CDK14: variants seen among roughly 807,000 people sequenced by gnomAD.
The protein encoded by CDK14 is cyclin-dependent kinase 14.
CDK14 carries 34 observed loss-of-function variants against 60.7 expected under a neutral mutation model. The observed-to-expected ratio is 0.56, with a 90% CI of 0.43 to 0.75. The LOEUF (loss-of-function observed/expected upper bound fraction) is 0.75. Among genes scored for constraint, CDK14 ranks in the 30% least tolerant of loss-of-function variants. The probability of loss-of-function intolerance (pLI) is 0.00; values close to 1 mark genes in which losing one functional copy is unlikely to be tolerated. For synonymous variants in CDK14, 197 were observed against 203.7 expected (o/e 0.97, Z 0.28); for missense variants, 482 against 564.1 (o/e 0.85, Z 1.47).
chr7:90,713,873 C>A (rs146533357), intron 2 of CDK14, among the ~76,000 whole-genome samples: 1 of 151,954 alleles, frequency 6.6e-6, no homozygotes, highest in Non-Finnish European at 1.5e-5. Context: ...CTCAATGTAA[C>A]CATCTGCAAA....
At chr7:91,197,155 T>G (rs1315075047) in intron 14 of CDK14, among the ~76,000 whole-genome samples, 1 of 152,152 alleles carries the variant, frequency 6.6e-6, no homozygotes, top group African/African-American at 2.4e-5. Context: ...ATCCCAGCAC[T>G]TTGGGAGGCC....
At chr7:90,684,784 T>TCCAC (rs1463993308) in intron 2 of CDK14, among the ~76,000 whole-genome samples, 4 of 152,078 alleles carry the variant, frequency 2.6e-5, no homozygotes, top group African/African-American at 4.8e-5. Flanking sequence ...TGTCTGTCCG[T>TCCAC]CCATCCATCC....
chr7:91,079,246 G>A (rs17163563), intron 11 of CDK14, among the ~76,000 whole-genome samples, 186 bp from the exon 12 acceptor site: 9,063 of 152,140 alleles, frequency 0.06, 392 homozygotes, highest in Middle Eastern at 0.16. Context: ...ATGCTTCACC[G>A]TTTAATATGT....
chr7:90,859,634 A>G (rs565639079), intron 5 of CDK14, among the ~76,000 whole-genome samples: 6 of 152,310 alleles, frequency 3.9e-5, no homozygotes, highest in Admixed American at 3.9e-4. Context: ...GTTTCCACAT[A>G]TTTTCCATCC....
At chr7:91,016,533 T>C (rs772931127) in intron 10 of CDK14, among the ~76,000 whole-genome samples, 11 of 152,240 alleles carry the variant, frequency 7.2e-5, no homozygotes, top group Non-Finnish European at 1.6e-4. Flanking sequence ...AAGTGAGTTA[T>C]GCATTTTAAC....
At chr7:91,008,424 C>T (rs1029817114) in intron 10 of CDK14, among the ~76,000 whole-genome samples, 1 of 152,130 alleles carries the variant, frequency 6.6e-6, no homozygotes, top group African/African-American at 2.4e-5. Flanking sequence ...TTCTTAAATT[C>T]AGACTGCATT....
intron 9 of CDK14, among the ~76,000 whole-genome samples, chr7:90,980,342 C>A (rs890188201): frequency 5.3e-5 from 8 of 152,000 alleles, no homozygotes; most frequent in African/African-American, 1.9e-4. Context: ...TATTCAAATT[C>A]TCAAAAGAAG....
rs2117053528 is a variant in CDK14 at position 90,814,034 on chromosome 7, C to T, written c.544+23382C>T. ...TTAATATCTTTATCTATTTCTCTTT[C>T]TTCCAAATTCTCTAAATATGTGTTA... On this transcript the variant is annotated intron_variant, in intron 5 of 14. Transcript: ENST00000380050. Among the ~76,000 whole-genome samples the T allele has an allele frequency of 2.0e-5, 3 of 152,256 alleles. No homozygotes were observed. In the Middle Eastern group the frequency reaches 0.01, roughly 518 times the overall value.
At chr7:91,200,948 A>G (rs1322720489) in intron 14 of CDK14, among the ~76,000 whole-genome samples, 6 of 152,186 alleles carry the variant, frequency 3.9e-5, no homozygotes, top group Non-Finnish European at 8.8e-5. Flanking sequence ...TTTCTCTTTC[A>G]TTCTAGCATT....
intron 6 of CDK14, among the ~76,000 whole-genome samples, chr7:90,879,257 A>C (rs1373971345): frequency 2.0e-5 from 3 of 152,218 alleles, no homozygotes; most frequent in Non-Finnish European, 4.4e-5. Flanking sequence ...GTTTATGTGT[A>C]TACTACACCA....
At chr7:91,078,262 G>A (rs1798381200) in intron 11 of CDK14, among the ~76,000 whole-genome samples, 1 of 152,204 alleles carries the variant, frequency 6.6e-6, no homozygotes, top group African/African-American at 2.4e-5. Context: ...TGGGAGAACA[G>A]TTAAATAAAT....
At chr7:90,770,918 C>CT (rs1346748713) in intron 4 of CDK14, among the ~76,000 whole-genome samples, 1 of 152,212 alleles carries the variant, frequency 6.6e-6, no homozygotes, top group East Asian at 1.9e-4. Flanking sequence ...CCTTGGCCCC[C>CT]ATCCTTGACA....
In CDK14 at chr7:91,090,890, T is replaced by G. The variant is rs1337454857; in HGVS notation, c.1154+11410T>G. Among the ~76,000 whole-genome samples the G allele has an allele frequency of 2.0e-5, 3 of 152,076 alleles. No individual in the cohort carries two copies. In the East Asian group the frequency reaches 5.8e-4, roughly 29 times the overall value. On this transcript the variant is annotated intron_variant, in intron 12 of 14. Coordinates refer to ENST00000380050, the MANE Select transcript of CDK14 (RefSeq NM_001287135.2). ...TAAGCTCTGTCACTCGTCACCTGTTTGTATCTAGTGTTCCTAAATATAGAA... is the reference window on the plus strand; with the variant it reads ...TAAGCTCTGTCACTCGTCACCTGTTGGTATCTAGTGTTCCTAAATATAGAA...
intron 4 of CDK14, among the ~76,000 whole-genome samples, chr7:90,758,203 T>C (rs1584863319): frequency 6.6e-6 from 1 of 152,140 alleles, no homozygotes; most frequent in East Asian, 1.9e-4. Flanking sequence ...AAAGTTTTTG[T>C]TTTTTGATCA....
chr7:91,041,175 CTT>C (rs34055384), intron 10 of CDK14, among the ~76,000 whole-genome samples: 46 of 142,610 alleles, frequency 3.2e-4, no homozygotes, highest in Admixed American at 2.8e-4. Flanking sequence ...TGAGCTTGTC[CTT>C]TTTTTTTTTT....
At chr7:90,943,573 C>T (rs1480111283) in intron 8 of CDK14, among the ~76,000 whole-genome samples, 1 of 152,008 alleles carries the variant, frequency 6.6e-6, no homozygotes, top group African/African-American at 2.4e-5. Flanking sequence ...ATATTAATAG[C>T]CTTATGGTAT....
At chr7:91,176,283 C>T (rs1801751611) in intron 14 of CDK14, among the ~76,000 whole-genome samples, 1 of 152,064 alleles carries the variant, frequency 6.6e-6, no homozygotes, top group South Asian at 2.1e-4. Flanking sequence ...CACAACATAC[C>T]AGAATCTCTG....
intron 11 of CDK14, among the ~76,000 whole-genome samples, chr7:91,059,242 G>T (rs1797696248): frequency 1.3e-5 from 2 of 152,138 alleles, no homozygotes; most frequent in Non-Finnish European, 2.9e-5. Flanking sequence ...TGTGGGATCG[G>T]TGGTGATATC....
chr7:91,072,449 A>G (rs572871404), intron 11 of CDK14, among the ~76,000 whole-genome samples: 2 of 152,304 alleles, frequency 1.3e-5, no homozygotes, highest in East Asian at 3.9e-4. Context: ...CCATTGAAAG[A>G]AAAAACAAAC....
Sources: gnomAD v4.1 joint callset for allele counts (sites outside exome capture counted in the v4.1 genomes callset) on GRCh38, gnomAD v4.1.1 for gene constraint, MANE v1.5 for transcripts, NCBI Gene and HGNC (gene_info 2026-07-23, HGNC 2026-07-21) for gene names.